The following PCDHA4 variants were observed in gnomAD, a reference collection of about 807,000 sequenced individuals.
PCDHA4 encodes protocadherin alpha-4.
In PCDHA4, 49 loss-of-function variants were observed where a neutral mutation model predicts 61.4. The ratio of observed to expected loss-of-function variants is 0.80; its 90% CI spans 0.63 to 1.01. PCDHA4 has a LOEUF of 1.01. PCDHA4 is among the 50% of genes least tolerant of loss of function. The pLI, the probability that PCDHA4 is intolerant of heterozygous loss-of-function variation, is 0.00. For synonymous variants in PCDHA4, 590 were observed against 550.3 expected, an observed-to-expected ratio of 1.07 and a Z score of -1.01; for missense variants, 1,254 against 1,235.8, an observed-to-expected ratio of 1.01 and a Z score of -0.22.
At chr5:140,825,342 A>G (rs1554130192) in intron 1 of PCDHA4, 1 of 147,852 alleles carries the variant, frequency 6.8e-6, no homozygotes, top group South Asian at 2.1e-4. Flanking sequence ...ATTTTTCAAT[A>G]TATCTAATAT....
chr5:140,852,738 C>A, intron 1 of PCDHA4: 1 of 983,624 alleles, frequency 1.0e-6, no homozygotes, highest in Non-Finnish European at 1.2e-6. Flanking sequence ...TTTCATGTGC[C>A]ATTTAAACTT....
At chr5:140,927,063 C>G in intron 1 of PCDHA4, 1 of 1,611,332 alleles carries the variant, frequency 6.2e-7, no homozygotes. Context: ...ACTTTCGCTT[C>G]CTTTCCAGCC....
chr5:140,829,529 C>A (rs2150169515), intron 1 of PCDHA4: 1 of 1,613,272 alleles, frequency 6.2e-7, no homozygotes, highest in Non-Finnish European at 8.5e-7. Context: ...GGTGTCTGCG[C>A]GAGACGCGGA....
chr5:140,905,722 T>A (rs1326323051), intron 1 of PCDHA4, among the ~76,000 whole-genome samples: 1 of 152,206 alleles, frequency 6.6e-6, no homozygotes, highest in Non-Finnish European at 1.5e-5. Context: ...AGCAGTGTTT[T>A]GTAGTTTTCC....
intron 1 of PCDHA4, among the ~76,000 whole-genome samples, chr5:140,918,678 A>G (rs2078806155): frequency 6.6e-6 from 1 of 152,098 alleles, no homozygotes; most frequent in South Asian, 2.1e-4. Context: ...AAGAGGTGAG[A>G]CCTTTCAAAC....
At chr5:140,851,474 T>C in intron 1 of PCDHA4, 9 of 889,824 alleles carry the variant, frequency 1.0e-5, no homozygotes, top group Non-Finnish European at 1.2e-5. Context: ...TCAATAAATG[T>C]TATAAACACA....
At chr5:140,850,282 C>T (rs2150477546) in intron 1 of PCDHA4, 2 of 1,595,502 alleles carry the variant, frequency 1.3e-6, no homozygotes, top group African/African-American at 2.7e-5. Context: ...AAGGTGCGCG[C>T]AGTGGACGCC....
At chr5:140,968,845 G>A in intron 1 of PCDHA4, 1 of 1,614,176 alleles carries the variant, frequency 6.2e-7, no homozygotes. Flanking sequence ...ACACTCAGAG[G>A]CATGTTAAGA....
chr5:140,821,883 G>A, intron 1 of PCDHA4: 1 of 1,614,238 alleles, frequency 6.2e-7, no homozygotes, highest in Non-Finnish European at 8.5e-7. Flanking sequence ...CGATCCCGGA[G>A]GAAGCCAAAC....
chr5:140,932,199 A>C (rs1314795858), intron 1 of PCDHA4, among the ~76,000 whole-genome samples: 2 of 151,894 alleles, frequency 1.3e-5, no homozygotes, highest in African/African-American at 4.8e-5. Context: ...TTTTTCTGTT[A>C]ATATTCTTGA....
At chr5:140,852,972 G>T (rs530736735) in intron 1 of PCDHA4, 1 of 376,636 alleles carries the variant, frequency 2.7e-6, no homozygotes, top group Non-Finnish European at 3.8e-6. Context: ...TCCCCCTCCC[G>T]TGTTCACGCC....
intron 1 of PCDHA4, chr5:140,834,386 G>A (rs1295160788): frequency 1.9e-6 from 3 of 1,582,980 alleles, no homozygotes; most frequent in Non-Finnish European, 2.6e-6. Context: ...AATTTGAAAT[G>A]GTGTGCCCGA....
At chr5:140,823,459 C>T in intron 1 of PCDHA4, 1 of 1,613,438 alleles carries the variant, frequency 6.2e-7, no homozygotes. Flanking sequence ...CGACAACGCG[C>T]CGGCGCTGCT....
chr5:140,824,314 T>A (rs986796925), intron 1 of PCDHA4: 2 of 754,514 alleles, frequency 2.7e-6, no homozygotes, highest in African/African-American at 1.8e-5. Context: ...AATAGATTCA[T>A]CAGCTTTCTG....
intron 1 of PCDHA4, chr5:140,842,311 G>A: frequency 6.2e-7 from 1 of 1,608,842 alleles, no homozygotes; most frequent in Non-Finnish European, 8.5e-7. Context: ...ATCCTCCCAT[G>A]GCGGGTCATT....
rs1554263423 is a variant in PCDHA4 at position 141,011,323 on chromosome 5, C to T, written c.*1386C>T. 1 of 153,686 alleles carries T rather than the reference C, an allele frequency of 6.5e-6. No individual in the cohort carries two copies. The highest frequency in any genetic ancestry group is 1.5e-5 in the Non-Finnish European group (1 of 68,036). The allele number at this position is 153,686 out of a possible 1,614,324, so 9.5% of individuals were successfully genotyped here. A position where few individuals can be genotyped will look rare whatever the true frequency, so the allele number is the denominator to read the frequency against. ...TCTGAATTGCTAATCTTACTAACACCTATGATGTTACCTGAAATCAATCTC... is the reference window on the plus strand; with the variant it reads ...TCTGAATTGCTAATCTTACTAACACTTATGATGTTACCTGAAATCAATCTC... On this transcript the variant is annotated 3_prime_UTR_variant, in exon 4 of 4. Transcript: ENST00000530339.
At chr5:140,895,143 A>T (rs115893558) in intron 1 of PCDHA4, among the ~76,000 whole-genome samples, 1 of 152,158 alleles carries the variant, frequency 6.6e-6, no homozygotes, top group African/African-American at 2.4e-5. Flanking sequence ...CATAGGGCTA[A>T]GACAGGTTTA....
intron 1 of PCDHA4, chr5:140,871,232 T>C: frequency 6.2e-7 from 1 of 1,613,948 alleles, no homozygotes; most frequent in South Asian, 1.1e-5. Flanking sequence ...TCCAGCCTCC[T>C]GGTACTCACG....
At chr5:140,913,205 C>G (rs2076252546) in intron 1 of PCDHA4, among the ~76,000 whole-genome samples, 1 of 152,176 alleles carries the variant, frequency 6.6e-6, no homozygotes, top group South Asian at 2.1e-4. Context: ...GCAGTGAAGC[C>G]AATGGGTCCC....
Sources: gnomAD v4.1 joint callset for allele counts (sites outside exome capture counted in the v4.1 genomes callset) on GRCh38, gnomAD v4.1.1 for gene constraint, MANE v1.5 for transcripts, NCBI Gene and HGNC (gene_info 2026-07-23, HGNC 2026-07-21) for gene names.